Variants in DMGDH observed in about 807,000 individuals in gnomAD.
DMGDH encodes the protein dimethylglycine dehydrogenase.
Under a neutral mutation model 95.2 loss-of-function variants are expected in DMGDH, and 76 were observed. The ratio of observed to expected loss-of-function variants is 0.80; its 90% confidence interval spans 0.66 to 0.97. The LOEUF is 0.97. Among genes scored for constraint, DMGDH ranks in the 50% least tolerant of loss-of-function variants. DMGDH has a pLI of 0.00. For missense variants in DMGDH, 987 were observed against 1,055.0 expected (o/e 0.94, Z 0.89); for synonymous variants, 345 against 377.6 (o/e 0.91, Z 1.00).
chr5:79,035,741 CG>C (rs57292208), intron 7 of DMGDH, among the ~76,000 whole-genome samples: 48,809 of 129,072 alleles, frequency 0.38, 8,503 homozygotes, highest in African/African-American at 0.49. Context: ...GAGTGGTGGG[CG>C]GGGGGGGAAT....
intron 5 of DMGDH, among the ~76,000 whole-genome samples, chr5:79,049,943 C>T (rs1465220273): frequency 6.6e-6 from 1 of 151,982 alleles, no homozygotes; most frequent in Admixed American, 6.6e-5. Flanking sequence ...TCTAGGACCA[C>T]TAAAAATGCT....
intron 13 of DMGDH, among the ~76,000 whole-genome samples, chr5:79,025,885 C>A (rs1340993060): frequency 6.6e-6 from 1 of 152,072 alleles, no homozygotes; most frequent in African/African-American, 2.4e-5. Context: ...TGTTATTATG[C>A]GTAAAATAGA....
chr5:79,043,846 G>A (rs1400545069), intron 6 of DMGDH, among the ~76,000 whole-genome samples: 1 of 152,150 alleles, frequency 6.6e-6, no homozygotes, highest in Non-Finnish European at 1.5e-5. Flanking sequence ...TCCATTTACA[G>A]TACCAAAAAC....
chr5:79,007,128 G>A lies in DMGDH; in HGVS notation c.2251-1721C>T, dbSNP rs538156081. Among the ~76,000 whole-genome samples, 653 of 152,292 alleles carry A rather than the reference G, an allele frequency of 4.3e-3. 6 individuals are homozygous for A. The highest frequency in any genetic ancestry group is 0.015 in the African/African-American group (606 of 41,536). ...CCGTGTTATTTAATATAGGACAAATGGGGGTGGGGAGTCACAGGAAGAGCT... is the reference window on the plus strand; with the variant it reads ...CCGTGTTATTTAATATAGGACAAATAGGGGTGGGGAGTCACAGGAAGAGCT... On this transcript the variant is annotated intron_variant, in intron 14 of 15. Transcript: ENST00000255189.
chr5:79,061,813 C>T (rs955991421), intron 2 of DMGDH, among the ~76,000 whole-genome samples: 40 of 151,842 alleles, frequency 2.6e-4, no homozygotes, highest in African/African-American at 9.2e-4. Context: ...TCCTAGCTAA[C>T]TGGGAGGATT....
chr5:79,028,953 T>C (rs530861395), intron 11 of DMGDH, among the ~76,000 whole-genome samples: 15 of 152,234 alleles, frequency 9.9e-5, no homozygotes, highest in Non-Finnish European at 2.2e-4. Context: ...CCCTTTTGCA[T>C]TTAAACTAAT....
Position 79,054,196 on chromosome 5 carries a change from G to A in DMGDH, c.528C>T (p.Leu176=). The change falls in exon 4 of 16, where the codon CTC becomes CTT. Residue 176 remains leucine, a synonymous_variant. Coordinates refer to ENST00000255189, the MANE Select transcript of DMGDH (RefSeq NM_013391.3). ...PEKIQEMFPL[L]NMNKVLAGLY... is the part of the protein sequence containing the mutation. ...TTAAGATAAATACCTTATTCATGTT[G>A]AGTAAAGGGAACATCTCTTGAATTT... 6.2e-7 allele frequency: 1 copy of A among 1,613,952 alleles called. No individual in the cohort carries two copies. Among genetic ancestry groups the A allele is most frequent in the Non-Finnish European group, 8.5e-7 (1 of 1,179,954 alleles).
intron 14 of DMGDH, chr5:79,021,097 C>G: frequency 1.0e-6 from 1 of 986,060 alleles, no homozygotes; most frequent in Non-Finnish European, 1.2e-6. Flanking sequence ...TCAGGTGAAG[C>G]GTTTTTAGTT....
chr5:79,032,676 CCTT>C lies in DMGDH; in HGVS notation c.1517+8_1517+10del. The C allele has an allele frequency of 6.2e-7, 1 of 1,614,054 alleles. No homozygotes were observed. The highest frequency in any genetic ancestry group is 8.5e-7 in the Non-Finnish European group (1 of 1,180,006). ...GGTCAGAACCACAGGCAGGTAAAGT[CCTT>C]CTCCCACCTGTACTGAGTGTCCTGG... On this transcript the variant is annotated splice_region_variant and intron_variant, in intron 9 of 15. Coordinates refer to ENST00000255189, the MANE Select transcript of DMGDH (RefSeq NM_013391.3).
intron 2 of DMGDH, among the ~76,000 whole-genome samples, chr5:79,060,126 T>C (rs935333154): frequency 1.3e-5 from 2 of 152,226 alleles, no homozygotes; most frequent in Non-Finnish European, 2.9e-5. Flanking sequence ...GAGGGTTATT[T>C]ATAAATATCA....
chr5:78,997,684 A>C lies in DMGDH; in HGVS notation c.*398T>G, dbSNP rs946708458. 1 of 193,914 alleles carries C rather than the reference A, an allele frequency of 5.2e-6. No homozygotes were observed. Among genetic ancestry groups the C allele is most frequent in the African/African-American group, 2.4e-5 (1 of 42,028 alleles). 12.0% of individuals were successfully genotyped at this position (193,914 alleles called of 1,614,324 possible). ...AGTAAATCCATAAACAATATTGTAC[A>C]TGTTTTTATGTAAAAGATAATTTAT... On this transcript the variant is annotated 3_prime_UTR_variant, in exon 16 of 16. Transcript: ENST00000255189.
chr5:79,000,206 T>C, intron 15 of DMGDH: 3 of 611,310 alleles, frequency 4.9e-6, no homozygotes, highest in Non-Finnish European at 3.2e-6. Context: ...ATGTTTAAAG[T>C]GATCTGGTCC....
Position 79,069,598 on chromosome 5 carries a change from AGCTGCGCGCCGG to A in DMGDH, c.11_22del (p.Pro4_Gln7del). 1 of 1,368,318 alleles carries A rather than the reference AGCTGCGCGCCGG, an allele frequency of 7.3e-7. No individual in the cohort carries two copies. The highest frequency in any genetic ancestry group is 2.9e-5 in the Admixed American group (1 of 34,514). 84.8% of individuals were successfully genotyped at this position (1,368,318 alleles called of 1,614,324 possible). ...GCTCCGCAGCAGGAGGCCCCGCAGC[AGCTGCGCGCCGG>A]GACGGAGCATGACTAGGCCGAGGCC... On this transcript the variant is annotated inframe_deletion, in exon 1 of 16. Coordinates refer to ENST00000255189, the MANE Select transcript of DMGDH (RefSeq NM_013391.3).
Position 79,059,631 on chromosome 5 carries a change from T to C in DMGDH, c.277-3723A>G, listed in dbSNP as rs1580230273. Among the ~76,000 whole-genome samples, 3 of 152,348 alleles carry C rather than the reference T, an allele frequency of 2.0e-5. No homozygotes were observed. In the South Asian group the frequency reaches 6.2e-4, roughly 32 times the overall value. On this transcript the variant is annotated intron_variant, in intron 2 of 15. Coordinates refer to ENST00000255189, the MANE Select transcript of DMGDH (RefSeq NM_013391.3). The stretch of plus-strand genomic sequence containing the variant: ...TATGAGAGTTTTTCTATGTGATACA[T>C]ATCATTTTGGGGCAGAAAACCTAAT...
chr5:79,020,723 G>C, intron 14 of DMGDH: 1 of 983,610 alleles, frequency 1.0e-6, no homozygotes, highest in Non-Finnish European at 1.2e-6. Flanking sequence ...AGCTCTACAC[G>C]GGGAGAGAGG....
chr5:79,003,062 T>C (rs1057018157), intron 15 of DMGDH, among the ~76,000 whole-genome samples: 8 of 152,216 alleles, frequency 5.3e-5, no homozygotes, highest in Admixed American at 4.6e-4. Flanking sequence ...TGGCTAAAAA[T>C]CAGTTGATTG....
At chr5:79,039,632 C>T (rs1046121417) in intron 7 of DMGDH, among the ~76,000 whole-genome samples, 46 of 151,950 alleles carry the variant, frequency 3.0e-4, no homozygotes, top group African/African-American at 1.1e-3. Context: ...GGGTGCAGCA[C>T]ACCAGCAAGG....
At chr5:78,999,555 G>A (rs1016225088) in intron 15 of DMGDH, among the ~76,000 whole-genome samples, 3 of 151,104 alleles carry the variant, frequency 2.0e-5, no homozygotes, top group Admixed American at 6.6e-5. Flanking sequence ...GGATGGTCTC[G>A]AACTCCTGAC....
intron 5 of DMGDH, among the ~76,000 whole-genome samples, chr5:79,049,470 G>A (rs901182533): frequency 2.6e-5 from 4 of 152,156 alleles, no homozygotes; most frequent in South Asian, 2.1e-4. Context: ...TGAGTGCAGC[G>A]ATTAATTAGC....
Sources: gnomAD v4.1 joint callset for allele counts (sites outside exome capture counted in the v4.1 genomes callset) on GRCh38, gnomAD v4.1.1 for gene constraint, MANE v1.5 for transcripts, NCBI Gene and HGNC (gene_info 2026-07-23, HGNC 2026-07-21) for gene names.